The following PRRC2C variants were observed in gnomAD, a reference collection of about 807,000 sequenced individuals.
PRRC2C encodes proline rich coiled-coil 2C, also known as protein PRRC2C.
PRRC2C carries 72 observed loss-of-function variants against 317.2 expected under a neutral mutation model. The observed-to-expected ratio is 0.23, with a 90% confidence interval of 0.19 to 0.28. The LOEUF (loss-of-function observed/expected upper bound fraction) is 0.28. Among genes scored for constraint, PRRC2C ranks in the 10% least tolerant of loss-of-function variants. PRRC2C has a pLI of 1.00. For synonymous variants in PRRC2C, 1,296 were observed against 1,205.9 expected (o/e 1.07, Z -1.55); for missense variants, 3,074 against 3,459.7 (o/e 0.89, Z 2.80).
At chr1:171,496,744 A>G (rs962321414) in intron 1 of PRRC2C, among the ~76,000 whole-genome samples, 6 of 151,418 alleles carry the variant, frequency 4.0e-5, no homozygotes, top group African/African-American at 1.2e-4. Context: ...ACAAAATGAC[A>G]TTTCTAGCAG....
Position 171,545,694 on chromosome 1 carries a change from C to T in PRRC2C, c.4972+7C>T. 7.3e-7 allele frequency: 1 copy of T among 1,365,318 alleles called. No individual in the cohort carries two copies. The highest frequency in any genetic ancestry group is 2.1e-5 in the South Asian group (1 of 47,442). The allele number at this position is 1,365,318 out of a possible 1,614,324, so 84.6% of individuals were successfully genotyped here. A position where few individuals can be genotyped will look rare whatever the true frequency, so the allele number is the denominator to read the frequency against. On this transcript the variant is annotated splice_region_variant and intron_variant, in intron 17 of 34. Coordinates refer to ENST00000647382, the MANE Select transcript of PRRC2C (RefSeq NM_001387844.1). ...GATCTCAACAATTATGCAAGTATGTCTTAGGTTTCTTTCATTTTATTTATT... is the reference window on the plus strand; with the variant it reads ...GATCTCAACAATTATGCAAGTATGTTTTAGGTTTCTTTCATTTTATTTATT...
At chr1:171,584,618 G>A in intron 30 of PRRC2C, 92 bp downstream of exon 30, 1 of 1,376,296 alleles carries the variant, frequency 7.3e-7, no homozygotes. Context: ...GAACCAAGAT[G>A]CAAGATGGAG....
At chr1:171,558,336 T>C (rs1255378576) in intron 19 of PRRC2C, among the ~76,000 whole-genome samples, 193 bp downstream of exon 19, 4 of 150,824 alleles carry the variant, frequency 2.7e-5, no homozygotes, top group South Asian at 2.1e-4. Flanking sequence ...TTATATTTTA[T>C]GGAAATAATT....
intron 2 of PRRC2C, 132 bp from the exon 3 acceptor site, chr1:171,512,863 T>A: frequency 1.2e-6 from 1 of 847,902 alleles, no homozygotes; most frequent in Non-Finnish European, 1.7e-6. Flanking sequence ...GTTTTAAAAT[T>A]ATTATTTTAA....
At chr1:171,550,942 C>T (rs1033215189) in intron 18 of PRRC2C, among the ~76,000 whole-genome samples, 6 of 152,090 alleles carry the variant, frequency 3.9e-5, no homozygotes, top group African/African-American at 1.4e-4. Context: ...GTGCATGTGT[C>T]TTTATAGTAG....
Position 171,522,252 on chromosome 1 carries a change from A to T in PRRC2C, c.826A>T (p.Thr276Ser). 6.4e-7 allele frequency: 1 copy of T among 1,568,842 alleles called. No homozygotes were observed. Among genetic ancestry groups the T allele is most frequent in the Admixed American group, 1.7e-5 (1 of 59,846 alleles). ...GAGATTCCCACCTTCTTTATCTGAA[A>T]CAAACAAGTAAGGCTATTAAATGAT... The part of the protein sequence containing the change: ...PMRFPPSLSE[T>S]NKGLRGRGPP... Residue 276 changes from threonine to serine, a missense_variant, in exon 7 of 35, where the codon ACA becomes TCA. Thr to Ser is a moderately conservative substitution (Grantham distance 58, BLOSUM62 1). Transcript: ENST00000647382.
chr1:171,574,051 CAG>C (rs1480939970), intron 24 of PRRC2C, among the ~76,000 whole-genome samples: 1 of 151,932 alleles, frequency 6.6e-6, no homozygotes, highest in Admixed American at 6.6e-5. Context: ...AAGTTCCTAA[CAG>C]TGATATTAAA....
intron 6 of PRRC2C, among the ~76,000 whole-genome samples, chr1:171,521,407 T>C (rs1673527791): frequency 6.6e-6 from 1 of 152,200 alleles, no homozygotes; most frequent in African/African-American, 2.4e-5. Flanking sequence ...AAGTTTAGTT[T>C]CCCAGAGCCA....
At chr1:171,502,375 A>T (rs915757228) in intron 1 of PRRC2C, among the ~76,000 whole-genome samples, 3 of 152,112 alleles carry the variant, frequency 2.0e-5, no homozygotes, top group African/African-American at 4.8e-5. Context: ...ATTTTTTTTT[A>T]AAACTTTGGA....
chr1:171,507,676 G>C (rs1206829421), intron 1 of PRRC2C, among the ~76,000 whole-genome samples: 1 of 152,144 alleles, frequency 6.6e-6, no homozygotes, highest in East Asian at 1.9e-4. Context: ...AGTCTTGGTT[G>C]TGAAACAGGT....
At chr1:171,554,956 C>T (rs1681065792) in intron 18 of PRRC2C, among the ~76,000 whole-genome samples, 1 of 152,120 alleles carries the variant, frequency 6.6e-6, no homozygotes, top group African/African-American at 2.4e-5. Flanking sequence ...TTACTCTTCT[C>T]GAGGAGTATC....
chr1:171,576,398 C>T (rs1685702178), intron 25 of PRRC2C, among the ~76,000 whole-genome samples: 1 of 152,150 alleles, frequency 6.6e-6, no homozygotes, highest in Non-Finnish European at 1.5e-5. Flanking sequence ...AGATGATTCA[C>T]TAGAAGGATA....
chr1:171,565,963 A>C lies in PRRC2C; in HGVS notation c.6118-270A>C, dbSNP rs150654208. Among the ~76,000 whole-genome samples the C allele has an allele frequency of 3.3e-3, 497 of 152,318 alleles. 5 individuals carry two copies. The highest frequency in any genetic ancestry group is 0.011 in the African/African-American group (474 of 41,568). ...TACGTTTGTTTTAAATGAGGAAACA[A>C]CTTGAAGCTGTGCTTTGCCCATGAT... On this transcript the variant is annotated intron_variant, in intron 20 of 34. Transcript: ENST00000647382.
Position 171,537,486 on chromosome 1 carries a change from T to G in PRRC2C, c.2504+13T>G. On this transcript the variant is annotated intron_variant, in intron 15 of 34. Coordinates refer to ENST00000647382, the MANE Select transcript of PRRC2C (RefSeq NM_001387844.1). ...CTGAGGATGTAAGGTAATAAATTAT[T>G]TCAATTTAATAGATGATACAGAATA... The G allele has an allele frequency of 3.2e-6, 5 of 1,539,558 alleles. No individual in the cohort carries two copies. The highest frequency in any genetic ancestry group is 4.4e-6 in the Non-Finnish European group (5 of 1,135,662).
intron 15 of PRRC2C, among the ~76,000 whole-genome samples, chr1:171,537,703 G>C (rs774644363): frequency 6.6e-5 from 10 of 152,028 alleles, no homozygotes; most frequent in Non-Finnish European, 8.8e-5. Context: ...ATTAGATGTT[G>C]AAATTGGTAG....
Position 171,527,623 on chromosome 1 carries a change from G to T in PRRC2C, c.1201-168G>T, listed in dbSNP as rs191644790. Among the ~76,000 whole-genome samples the T allele has an allele frequency of 7.7e-4, 117 of 152,140 alleles. 1 individual carries two copies. Among genetic ancestry groups the T allele is most frequent in the Middle Eastern group, 3.4e-3 (1 of 294 alleles). ...AATGCAAAATTACCCAGTTGTGGTG[G>T]CAGACGCCTGTAATCCCAGGTATTT... On this transcript the variant is annotated intron_variant, in intron 10 of 34. Transcript: ENST00000647382.
chr1:171,566,429 T>C lies in PRRC2C; in HGVS notation c.6306+8T>C, dbSNP rs1224420620. The C allele has an allele frequency of 6.4e-7, 1 of 1,554,670 alleles. No homozygotes were observed. Among genetic ancestry groups the C allele is most frequent in the African/African-American group, 1.4e-5 (1 of 72,828 alleles). On this transcript the variant is annotated splice_region_variant and intron_variant, in intron 21 of 34. Coordinates refer to ENST00000647382, the MANE Select transcript of PRRC2C (RefSeq NM_001387844.1). ...CCTATCAAAGCCCAGAAGGTAAATA[T>C]ACTTTATAATCCAGATAAAATTTTA...
At chr1:171,555,549 G>C (rs1681206099) in intron 18 of PRRC2C, among the ~76,000 whole-genome samples, 1 of 152,136 alleles carries the variant, frequency 6.6e-6, no homozygotes, top group Non-Finnish European at 1.5e-5. Context: ...GAGTTGCTCT[G>C]GTTTTTAGAA....
chr1:171,541,440 T>G lies in PRRC2C; in HGVS notation c.3974T>G (p.Val1325Gly). The G allele has an allele frequency of 6.2e-7, 1 of 1,613,810 alleles. No individual in the cohort carries two copies. Among genetic ancestry groups the G allele is most frequent in the African/African-American group, 1.3e-5 (1 of 74,986 alleles). ...IDNRLLEKPY[V>G]RDDDKAKPGF... ...AATAGACTGCTAGAAAAGCCTTATG[T>G]AAGGGATGACGATAAAGCTAAACCA... Residue 1325 changes from valine (V) to glycine (G), a missense_variant, in exon 16 of 35, where the codon GTA (valine) becomes GGA (glycine). This residue lies in a region of PRRC2C where 1,320 missense variants were observed against 1,395.7 expected (regional missense o/e 0.95). Transcript: ENST00000647382. This position sits in a 1 kb window ranked among gnomAD's most constrained non-coding sequence, Gnocchi z 4.1.
Sources: allele counts gnomAD v4.1 joint callset (sites outside exome capture counted in the v4.1 genomes callset), GRCh38; gene constraint gnomAD v4.1.1; regional missense constraint gnomAD v4.1.1; non-coding constraint Gnocchi (gnomAD v3.1); transcripts MANE v1.5; gene names NCBI Gene and HGNC (gene_info 2026-07-23, HGNC 2026-07-21).